MIPOL1: variants seen among roughly 807,000 people sequenced by gnomAD.
The protein encoded by MIPOL1 is mirror-image polydactyly gene 1 protein.
Under a neutral mutation model 60.9 loss-of-function variants are expected in MIPOL1, and 57 were observed. That is an observed-to-expected ratio of 0.94 (90% confidence interval 0.76 to 1.17). The LOEUF is 1.17. Among genes scored for constraint, MIPOL1 ranks in the 50% most tolerant of loss-of-function variants. The pLI is 0.00. For missense variants in MIPOL1, 551 were observed against 511.6 expected (o/e 1.08, Z -0.74); for synonymous variants, 179 against 168.8 (o/e 1.06, Z -0.47).
At chr14:37,551,758 A>G (rs1257145926), downstream of MIPOL1, 1 of 151,704 alleles carries the variant, frequency 6.6e-6, no homozygotes, top group South Asian at 2.1e-4. Context: ...GGGCGCCTGT[A>G]GTCCCAGCTA....
At chr14:37,447,064 T>TA in intron 11 of MIPOL1, among the ~76,000 whole-genome samples, 1 of 151,728 alleles carries the variant, frequency 6.6e-6, no homozygotes, top group East Asian at 1.9e-4. Context: ...CCCTAAAACT[T>TA]AAAGTATAAT....
chr14:37,263,422 C>T (rs1360721622), intron 3 of MIPOL1, among the ~76,000 whole-genome samples: 1 of 152,076 alleles, frequency 6.6e-6, no homozygotes, highest in African/African-American at 2.4e-5. Flanking sequence ...TAGGGTAATA[C>T]CTAGTAGTAA....
At position 37,416,682 on chromosome 14, in the gene MIPOL1, A is replaced by G. The variant is rs192003478; in HGVS notation, c.937-6173A>G. On this transcript the variant is annotated intron_variant, in intron 10 of 12. Coordinates refer to ENST00000684589, the MANE Select transcript of MIPOL1 (RefSeq NM_001388067.1). Reference sequence around the variant, plus strand: ...GTTGGGAAGGAAAATTACATGATCTATGACAAAGAAAAAGAAAACTCTCCT... The same window carrying G: ...GTTGGGAAGGAAAATTACATGATCTGTGACAAAGAAAAAGAAAACTCTCCT... 9.8e-4 allele frequency among the ~76,000 whole-genome samples: 150 copies of G among 152,286 alleles called. 3 individuals carry two copies. Among genetic ancestry groups the G allele is most frequent in the African/African-American group, 3.6e-3 (148 of 41,546 alleles).
At chr14:37,264,623 C>G (rs1231074929) in intron 3 of MIPOL1, among the ~76,000 whole-genome samples, 2 of 150,776 alleles carry the variant, frequency 1.3e-5, no homozygotes, top group East Asian at 1.9e-4. Context: ...GCGAAACCCT[C>G]TCAAAAAAAA....
intron 1 of MIPOL1, among the ~76,000 whole-genome samples, chr14:37,214,296 TA>T (rs1267662172): frequency 1.3e-5 from 2 of 152,186 alleles, no homozygotes; most frequent in African/African-American, 4.8e-5. Flanking sequence ...CCATAAGATG[TA>T]AATAGAAACA....
intron 4 of MIPOL1, 60 bp from the exon 5 acceptor site, chr14:37,268,598 C>A: frequency 1.5e-6 from 2 of 1,348,148 alleles, no homozygotes; most frequent in Non-Finnish European, 2.0e-6. Flanking sequence ...AAGTAGCATA[C>A]AAAATGTCAA....
At chr14:37,283,859 T>C (rs960413153) in intron 6 of MIPOL1, among the ~76,000 whole-genome samples, 5 of 152,158 alleles carry the variant, frequency 3.3e-5, no homozygotes, top group Non-Finnish European at 5.9e-5. Flanking sequence ...CAGTTAAAAC[T>C]CATATTCTTC....
chr14:37,427,992 T>TTA lies in MIPOL1; in HGVS notation c.1031+5044_1031+5045dup, dbSNP rs199518431. On this transcript the variant is annotated intron_variant, in intron 11 of 12. Transcript: ENST00000684589. ...ATGGATTATGTCTGGCAAGCAATAC[T>TTA]TACAGCTATCCAAATCAGTTTACAT... 1.4e-3 allele frequency among the ~76,000 whole-genome samples: 211 copies of TTA among 152,324 alleles called. 3 individuals carry two copies. In the East Asian group the frequency reaches 0.034, roughly 24 times the overall value.
intron 7 of MIPOL1, among the ~76,000 whole-genome samples, chr14:37,298,365 C>T (rs147457134): frequency 3.3e-5 from 5 of 152,262 alleles, no homozygotes; most frequent in African/African-American, 1.2e-4. Context: ...AAAACCTAGG[C>T]AATACCATTC....
chr14:37,370,924 G>A (rs2092621001), intron 10 of MIPOL1, among the ~76,000 whole-genome samples: 1 of 152,090 alleles, frequency 6.6e-6, no homozygotes, highest in South Asian at 2.1e-4. Flanking sequence ...TTTATTGTCA[G>A]TGTTAGGGGA....
At position 37,217,054 on chromosome 14, in the gene MIPOL1, AT is replaced by A. The variant is rs540494080; in HGVS notation, c.-199+18951del. On this transcript the variant is annotated intron_variant, in intron 1 of 12. Coordinates refer to ENST00000684589, the MANE Select transcript of MIPOL1 (RefSeq NM_001388067.1). ...GACTAAGAAAAAAGAGAGGATCCAA[AT>A]CAGAAATGAAAATGAGACATTACAA... Among the ~76,000 whole-genome samples the A allele has an allele frequency of 1.7e-3, 258 of 152,322 alleles. 1 individual carries two copies. Among genetic ancestry groups the A allele is most frequent in the African/African-American group, 5.9e-3 (247 of 41,592 alleles).
At position 37,342,572 on chromosome 14, in the gene MIPOL1, A is replaced by G. The variant is rs149636411; in HGVS notation, c.829-26945A>G. 9.8e-3 allele frequency among the ~76,000 whole-genome samples: 1,493 copies of G among 151,828 alleles called. 15 individuals carry two copies. Among genetic ancestry groups the G allele is most frequent in the Non-Finnish European group, 0.014 (985 of 67,972 alleles). On this transcript the variant is annotated intron_variant, in intron 9 of 12. Coordinates refer to ENST00000684589, the MANE Select transcript of MIPOL1 (RefSeq NM_001388067.1). ...ACCACCACGCCTGGCTAAGTTTTGT[A>G]TTTTTAGTAGAGACAGGGTTTCACC...
intron 11 of MIPOL1, among the ~76,000 whole-genome samples, chr14:37,451,808 C>CTTTTTTTTTTTTTTTTTTTTTTTTTTTTT (rs535978128): frequency 4.7e-5 from 4 of 84,572 alleles, no homozygotes; most frequent in African/African-American, 2.5e-4. Context: ...TTTATTCTCT[C>CTTTTTTTTTTTTTTTTTTTTTTTTTTTTT]TTTTTTTTTT....
At chr14:37,385,304 T>TTA (rs2093034664) in intron 10 of MIPOL1, among the ~76,000 whole-genome samples, 1 of 152,098 alleles carries the variant, frequency 6.6e-6, no homozygotes, top group Admixed American at 6.6e-5. Flanking sequence ...TTGCTAGAGA[T>TTA]TACAGAACAA....
At chr14:37,278,126 C>T (rs1024861541) in intron 6 of MIPOL1, 1 of 151,366 alleles carries the variant, frequency 6.6e-6, no homozygotes, top group African/African-American at 2.4e-5. Context: ...AACAAATAGT[C>T]TGGTCTATGA....
chr14:37,307,846 A>G (rs1447715819), intron 7 of MIPOL1, among the ~76,000 whole-genome samples: 1 of 152,168 alleles, frequency 6.6e-6, no homozygotes. Flanking sequence ...AACATTAATA[A>G]CTTAACAGTC....
intron 11 of MIPOL1, among the ~76,000 whole-genome samples, chr14:37,490,777 C>T (rs530905694): frequency 1.6e-4 from 24 of 152,180 alleles, no homozygotes; most frequent in Non-Finnish European, 3.4e-4. Context: ...CCATGGGCTG[C>T]ACCCACTGTC....
At chr14:37,491,548 T>C (rs2095048414) in intron 11 of MIPOL1, among the ~76,000 whole-genome samples, 1 of 152,130 alleles carries the variant, frequency 6.6e-6, no homozygotes, top group Non-Finnish European at 1.5e-5. Flanking sequence ...TCCAAAAATT[T>C]AGATATTTTT....
At chr14:37,238,714 G>A (rs868682921) in intron 1 of MIPOL1, among the ~76,000 whole-genome samples, 1 of 151,630 alleles carries the variant, frequency 6.6e-6, no homozygotes. Context: ...ACTTCGGAAG[G>A]TGGACTCTGG....
Sources: allele counts gnomAD v4.1 joint callset (sites outside exome capture counted in the v4.1 genomes callset), GRCh38; gene constraint gnomAD v4.1.1; transcripts MANE v1.5; gene names NCBI Gene and HGNC (gene_info 2026-07-23, HGNC 2026-07-21).